PLEKHA8: variants seen among roughly 807,000 people sequenced by gnomAD.
The protein encoded by PLEKHA8 is pleckstrin homology domain-containing family A member 8.
A neutral mutation model predicts 68.2 loss-of-function variants in PLEKHA8; 36 were observed. The observed-to-expected ratio is 0.53, with a 90% CI of 0.40 to 0.70. The LOEUF is 0.70. PLEKHA8 is among the 30% of genes least tolerant of loss of function. The pLI is 0.00. For synonymous variants in PLEKHA8, 211 were observed against 216.1 expected, an observed-to-expected ratio of 0.98 and a Z score of 0.20; for missense variants, 505 against 615.4, an observed-to-expected ratio of 0.82 and a Z score of 1.90.
Position 30,045,083 on chromosome 7 carries a change from A to G in PLEKHA8, c.41-2A>G. On this transcript the variant is annotated splice_acceptor_variant, in intron 1 of 13. Transcript: ENST00000449726. LOFTEE classifies it high-confidence loss of function. The stretch of plus-strand genomic sequence containing the variant: ...CAATGATGCTCTTGCTTTTGTTTTC[A>G]GGTTGGCAGCCTCGATGGTTCCTTC... 3 of 1,590,218 alleles carry G rather than the reference A, an allele frequency of 1.9e-6. No homozygotes were observed. The highest frequency in any genetic ancestry group is 1.4e-5 in the African/African-American group (1 of 73,386).
intron 13 of PLEKHA8, among the ~76,000 whole-genome samples, chr7:30,098,489 C>A (rs369736885): frequency 3.9e-4 from 59 of 152,358 alleles, no homozygotes; most frequent in Admixed American, 2.9e-3. Context: ...TCGAGCTTCC[C>A]GGCTGCTTTG....
At chr7:30,050,305 T>C in intron 5 of PLEKHA8, 129 bp from the exon 6 acceptor site, 3 of 1,246,946 alleles carry the variant, frequency 2.4e-6, no homozygotes, top group Non-Finnish European at 3.2e-6. Flanking sequence ...TAAAATTGTT[T>C]TTGTTTAGTG....
At chr7:30,050,617 C>T (rs1354262766) in intron 6 of PLEKHA8, 143 bp downstream of exon 6, 11 of 1,151,942 alleles carry the variant, frequency 9.5e-6, no homozygotes, top group East Asian at 2.8e-5. Context: ...TCTGACTTTC[C>T]TCTTTTGAGT....
downstream of PLEKHA8, among the ~76,000 whole-genome samples, chr7:30,085,604 TG>T (rs1248454732): frequency 6.6e-6 from 1 of 152,224 alleles, no homozygotes; most frequent in Non-Finnish European, 1.5e-5. Context: ...TATGTATGAC[TG>T]GCATTGGAGA....
At chr7:30,104,142 A>T (rs1198969679) in intron 13 of PLEKHA8, among the ~76,000 whole-genome samples, 1 of 152,250 alleles carries the variant, frequency 6.6e-6, no homozygotes, top group Non-Finnish European at 1.5e-5. Context: ...AAATAAAACT[A>T]AACTGAGATA....
At position 30,049,302 on chromosome 7, in the gene PLEKHA8, G is replaced by A. The variant is rs766753268; in HGVS notation, c.517G>A (p.Ala173Thr). ...GACCTTGGAAGAATGCATGCAGATC[G>A]CAAATGCAGCCTTCACCTCTGAGCT... Reference protein sequence around the residue: ...LKTLEECMQIANAAFTSELLY... With the variant: ...LKTLEECMQITNAAFTSELLY... The change falls in exon 5 of 14, where the codon GCA becomes ACA. Residue 173 changes from alanine to threonine, a missense_variant. Ala to Thr is a moderately conservative substitution (Grantham distance 58). Transcript: ENST00000449726. The A allele has an allele frequency of 3.6e-5, 58 of 1,613,852 alleles. No homozygotes were observed. Among genetic ancestry groups the A allele is most frequent in the African/African-American group, 6.7e-5 (5 of 74,852 alleles).
At chr7:30,061,414 A>G (rs1032078618) in intron 10 of PLEKHA8, among the ~76,000 whole-genome samples, 2 of 152,184 alleles carry the variant, frequency 1.3e-5, no homozygotes, top group Non-Finnish European at 2.9e-5. Flanking sequence ...AAAATAAGGG[A>G]TGGGTCCCCT....
chr7:30,112,069 T>C (rs1482317411), intron 13 of PLEKHA8, among the ~76,000 whole-genome samples: 1 of 152,208 alleles, frequency 6.6e-6, no homozygotes, highest in African/African-American at 2.4e-5. Flanking sequence ...GAACACAGTG[T>C]AATTATGTTG....
At chr7:30,075,269 T>C (rs895157167) in intron 13 of PLEKHA8, among the ~76,000 whole-genome samples, 6 of 152,150 alleles carry the variant, frequency 3.9e-5, no homozygotes, top group South Asian at 2.1e-4. Flanking sequence ...CCATATCCCA[T>C]TCACTGTTCA....
intron 1 of PLEKHA8, among the ~76,000 whole-genome samples, chr7:30,035,761 AG>A (rs1791016757): frequency 6.6e-6 from 1 of 152,008 alleles, no homozygotes; most frequent in Admixed American, 6.5e-5. Flanking sequence ...TCTCTACCTC[AG>A]CCTCCCAAGT....
chr7:30,090,158 C>G (rs1446967848), exon 13 of PLEKHA8: 1 of 1,550,200 alleles, frequency 6.5e-7, no homozygotes. Context: ...TGTAGGAAAT[C>G]CAACAGAAAA....
chr7:30,046,445 G>C, intron 3 of PLEKHA8, 80 bp downstream of exon 3: 1 of 1,462,480 alleles, frequency 6.8e-7, no homozygotes, highest in Non-Finnish European at 9.1e-7. Flanking sequence ...TTGTTATCTT[G>C]CTTCTGACCA....
At chr7:30,029,373 G>T (rs1790476693) in intron 1 of PLEKHA8, among the ~76,000 whole-genome samples, 1 of 152,180 alleles carries the variant, frequency 6.6e-6, no homozygotes, top group African/African-American at 2.4e-5. Context: ...TTCTCGTTGA[G>T]CATTTCCTTT....
At chr7:30,034,316 C>T (rs1296785257) in intron 1 of PLEKHA8, among the ~76,000 whole-genome samples, 4 of 151,862 alleles carry the variant, frequency 2.6e-5, no homozygotes, top group African/African-American at 9.7e-5. Flanking sequence ...GCCAAGAGTT[C>T]TTTATTCTGG....
chr7:30,110,455 A>T (rs1796235464), intron 13 of PLEKHA8, among the ~76,000 whole-genome samples: 1 of 152,212 alleles, frequency 6.6e-6, no homozygotes, highest in South Asian at 2.1e-4. Context: ...TTTGGGGGTT[A>T]TTATTAATAA....
intron 10 of PLEKHA8, 82 bp from the exon 11 acceptor site, chr7:30,061,815 A>G (rs934151461): frequency 1.3e-6 from 2 of 1,522,348 alleles, no homozygotes; most frequent in Non-Finnish European, 1.8e-6. Flanking sequence ...TGCTTGCCAA[A>G]CTTACAAGTC....
At chr7:30,116,215 T>C (rs115271218) in intron 13 of PLEKHA8, among the ~76,000 whole-genome samples, 1 of 151,528 alleles carries the variant, frequency 6.6e-6, no homozygotes, top group South Asian at 2.1e-4. Flanking sequence ...CATGTATACA[T>C]ATGTATATAC....
chr7:30,064,184 T>C (rs1395810105), intron 12 of PLEKHA8, among the ~76,000 whole-genome samples: 2 of 151,544 alleles, frequency 1.3e-5, no homozygotes, highest in Non-Finnish European at 2.9e-5. Context: ...GGAATGGTGA[T>C]ATTATTTCCC....
exon 14 of PLEKHA8, chr7:30,129,458 A>G (rs1796837121): frequency 1.1e-6 from 1 of 877,350 alleles, no homozygotes; most frequent in South Asian, 1.7e-5. Context: ...GAGAAACTTT[A>G]TCTTGTTCAA....
Sources: allele counts gnomAD v4.1 joint callset (sites outside exome capture counted in the v4.1 genomes callset), GRCh38; gene constraint gnomAD v4.1.1; transcripts MANE v1.5; gene names NCBI Gene and HGNC (gene_info 2026-07-23, HGNC 2026-07-21).